MAP3K19: variants seen among roughly 807,000 people sequenced by gnomAD.
MAP3K19 encodes the protein mitogen-activated protein kinase kinase kinase 19, also known as SPS1/STE20-related protein kinase YSK4.
Under a neutral mutation model 114.4 loss-of-function variants are expected in MAP3K19, and 91 were observed. That is an observed-to-expected ratio of 0.80 (90% confidence interval 0.67 to 0.95). The LOEUF is 0.95. Among genes scored for constraint, MAP3K19 ranks in the 40% least tolerant of loss-of-function variants. The probability of loss-of-function intolerance (pLI) is 0.00; values close to 1 mark genes in which losing one functional copy is unlikely to be tolerated. For missense variants in MAP3K19, 1,471 were observed against 1,573.2 expected (o/e 0.94, Z 1.10); for synonymous variants, 518 against 530.5 (o/e 0.98, Z 0.32).
chr2:135,022,276 A>G (rs996680735), intron 4 of MAP3K19, among the ~76,000 whole-genome samples: 1 of 152,148 alleles, frequency 6.6e-6, no homozygotes, highest in Non-Finnish European at 1.5e-5. Flanking sequence ...CGTCATTGCA[A>G]AACCCTCTGT....
At chr2:135,010,473 C>T (rs1205221538) in intron 5 of MAP3K19, among the ~76,000 whole-genome samples, 1 of 152,070 alleles carries the variant, frequency 6.6e-6, no homozygotes, top group Admixed American at 6.6e-5. Flanking sequence ...AATAGCAAGT[C>T]CCAAACATAG....
In MAP3K19 at chr2:135,025,377, C is replaced by CTT. The variant is rs754598942; in HGVS notation, c.-94-638_-94-637dup. The stretch of plus-strand genomic sequence containing the variant: ...GCCTCTCCACATGGCCTTTTCTTTT[C>CTT]TTTTTTTTTTTTTTTTTTTTTTTTT... On this transcript the variant is annotated intron_variant, in intron 3 of 12. Transcript: ENST00000392915. 3.8e-3 allele frequency among the ~76,000 whole-genome samples: 261 copies of CTT among 69,560 alleles called. 6 individuals carry two copies. Among genetic ancestry groups the CTT allele is most frequent in the African/African-American group, 0.013 (208 of 15,946 alleles). The allele number at this position is 69,560 out of a possible 152,430, so 45.6% of individuals were successfully genotyped here. A position where few individuals can be genotyped will look rare whatever the true frequency, so the allele number is the denominator to read the frequency against.
At position 134,982,117 on chromosome 2, in the gene MAP3K19, T is replaced by C. The variant is rs535082295; in HGVS notation, c.3223-599A>G. ...CACCGTGCTACCTTTTTCTTTCTTT[T>C]TTTTTTTTTTTTTTTTTGGAGACAG... On this transcript the variant is annotated intron_variant, in intron 11 of 12. Coordinates refer to ENST00000392915, the MANE Select transcript of MAP3K19 (RefSeq NM_025052.5). 7.5e-4 allele frequency among the ~76,000 whole-genome samples: 102 copies of C among 136,124 alleles called. 1 individual carries two copies. The highest frequency in any genetic ancestry group is 1.5e-3 in the African/African-American group (54 of 35,696). 89.3% of individuals were successfully genotyped at this position (136,124 alleles called of 152,430 possible). A position where few individuals can be genotyped will look rare whatever the true frequency, so the allele number is the denominator to read the frequency against.
At chr2:135,045,692 A>G (rs952505757) in intron 1 of MAP3K19, among the ~76,000 whole-genome samples, 12 of 152,202 alleles carry the variant, frequency 7.9e-5, no homozygotes, top group Admixed American at 3.3e-4. Flanking sequence ...GCATTTCATA[A>G]GTAGTATCTA....
intron 8 of MAP3K19, 61 bp downstream of exon 8, chr2:134,998,677 C>T: frequency 1.3e-6 from 2 of 1,497,888 alleles, no homozygotes; most frequent in Non-Finnish European, 1.8e-6. Flanking sequence ...CAGTGCCTGG[C>T]ACAATACATA....
chr2:135,024,545 T>C (rs1688179746), intron 4 of MAP3K19, 81 bp downstream of exon 4: 13 of 1,276,250 alleles, frequency 1.0e-5, no homozygotes, highest in Non-Finnish European at 1.4e-5. Context: ...AATGGATCCA[T>C]CAAACAGATG....
chr2:134,968,389 G>C (rs1452100906), intron 12 of MAP3K19, among the ~76,000 whole-genome samples: 1 of 149,840 alleles, frequency 6.7e-6, no homozygotes, highest in Non-Finnish European at 1.5e-5. Flanking sequence ...CCTCCCAGAC[G>C]GGGTGGTGGC....
At chr2:135,033,830 A>C (rs1428590863) in intron 2 of MAP3K19, among the ~76,000 whole-genome samples, 1 of 11,218 alleles carries the variant, frequency 8.9e-5, no homozygotes, top group Non-Finnish European at 1.3e-4. Flanking sequence ...GGGGGGGCTG[A>C]CCCCCCCACC....
intron 9 of MAP3K19, among the ~76,000 whole-genome samples, chr2:134,989,270 A>C (rs995448495): frequency 7.9e-5 from 12 of 152,140 alleles, no homozygotes; most frequent in African/African-American, 2.9e-4. Context: ...GCTTCTTTTC[A>C]TTGTGGTCTT....
chr2:134,991,709 C>T, intron 8 of MAP3K19, 129 bp from the exon 9 acceptor site: 1 of 738,514 alleles, frequency 1.4e-6, no homozygotes, highest in Non-Finnish European at 2.3e-6. Flanking sequence ...TTGGAGGTTT[C>T]CCCTGTGGAA....
At chr2:134,974,719 A>C (rs1684106031) in intron 12 of MAP3K19, among the ~76,000 whole-genome samples, 1 of 151,976 alleles carries the variant, frequency 6.6e-6, no homozygotes, top group Non-Finnish European at 1.5e-5. Context: ...TGAATGGGTT[A>C]TTTCAAAAGA....
Position 134,997,820 on chromosome 2 carries a change from A to AAAAAAAAAAAAAAAAAC in MAP3K19, c.574+917_574+918insGTTTTTTTTTTTTTTTT, listed in dbSNP as rs61650738. Among the ~76,000 whole-genome samples the AAAAAAAAAAAAAAAAAC allele has an allele frequency of 1.3e-3, 187 of 148,462 alleles. 6 individuals are homozygous for AAAAAAAAAAAAAAAAAC. Among genetic ancestry groups the AAAAAAAAAAAAAAAAAC allele is most frequent in the East Asian group, 4.5e-3 (20 of 4,396 alleles). On this transcript the variant is annotated intron_variant, in intron 8 of 12. Transcript: ENST00000392915. Reference sequence around the variant, plus strand: ...GTGACAGAGCGAGACTCCGTCTCAAAAAAAAAAAAACTTTAAGCACTGCTT... The same window carrying AAAAAAAAAAAAAAAAAC: ...GTGACAGAGCGAGACTCCGTCTCAAAAAAAAAAAAAAAAAAACAAAAAAAAAACTTTAAGCACTGCTT...
Position 135,033,678 on chromosome 2 carries a change from C to CA in MAP3K19, c.-283-3179_-283-3178insT, listed in dbSNP as rs1553434670. ...GCAGAGGCGCCCCCCACCCCCCGGA[C>CA]GGGCGGCCGGCCGGGGGGGCTAACC... On this transcript the variant is annotated intron_variant, in intron 2 of 12. Transcript: ENST00000392915. 3.5e-5 allele frequency among the ~76,000 whole-genome samples: 2 copies of CA among 56,668 alleles called. 1 individual carries two copies. The highest frequency in any genetic ancestry group is 3.4e-4 in the Admixed American group (2 of 5,948). 37.2% of individuals were successfully genotyped at this position (56,668 alleles called of 152,430 possible). A position where few individuals can be genotyped will look rare whatever the true frequency, so the allele number is the denominator to read the frequency against.
At position 135,012,516 on chromosome 2, in the gene MAP3K19, C is replaced by T. The variant is rs116913577; in HGVS notation, c.139-6985G>A. 9.9e-4 allele frequency among the ~76,000 whole-genome samples: 151 copies of T among 152,180 alleles called. 5 individuals are homozygous for T. The East Asian group carries it at 0.026, about 27-fold the overall frequency. Reference sequence around the variant, plus strand: ...ATGTCCCAGAGAAGTCTTGATTTAACCGTTTATTTTTAATTTTCACTTAAT... The same window carrying T: ...ATGTCCCAGAGAAGTCTTGATTTAATCGTTTATTTTTAATTTTCACTTAAT... On this transcript the variant is annotated intron_variant, in intron 5 of 12. Coordinates refer to ENST00000392915, the MANE Select transcript of MAP3K19 (RefSeq NM_025052.5).
intron 12 of MAP3K19, 35 bp downstream of exon 12, chr2:134,980,786 C>T: frequency 1.3e-6 from 2 of 1,576,358 alleles, no homozygotes; most frequent in East Asian, 4.5e-5. Flanking sequence ...AATCTCCGGG[C>T]ATTTATCTTC....
At chr2:135,014,173 T>A (rs1454066824) in intron 5 of MAP3K19, among the ~76,000 whole-genome samples, 1 of 152,036 alleles carries the variant, frequency 6.6e-6, no homozygotes, top group East Asian at 1.9e-4. Flanking sequence ...GGTGACATGG[T>A]GAAACCCCAT....
chr2:134,970,142 G>A (rs1055140477), intron 12 of MAP3K19, among the ~76,000 whole-genome samples: 3 of 152,012 alleles, frequency 2.0e-5, no homozygotes, highest in African/African-American at 7.2e-5. Context: ...ACAAATTTTA[G>A]GATTGTTTTG....
intron 2 of MAP3K19, among the ~76,000 whole-genome samples, chr2:135,035,962 G>A (rs1242231077): frequency 3.3e-5 from 5 of 152,136 alleles, no homozygotes; most frequent in African/African-American, 1.2e-4. Context: ...AGCCTCCTGA[G>A]TAGCTGGGAT....
chr2:135,021,690 T>C, intron 5 of MAP3K19, 25 bp downstream of exon 5: 2 of 1,374,586 alleles, frequency 1.5e-6, no homozygotes, highest in Non-Finnish European at 2.1e-6. Flanking sequence ...GGCTGTCCGT[T>C]GTTTCTTTAA....
Sources: gnomAD v4.1 joint callset for allele counts (sites outside exome capture counted in the v4.1 genomes callset) on GRCh38, gnomAD v4.1.1 for gene constraint, MANE v1.5 for transcripts, NCBI Gene and HGNC (gene_info 2026-07-23, HGNC 2026-07-21) for gene names.